Variants in NCKAP5 observed in about 807,000 individuals in gnomAD.
The protein encoded by NCKAP5 is NCK associated protein 5.
In NCKAP5, 92 loss-of-function variants were observed where a neutral mutation model predicts 167.0. That is an observed-to-expected ratio of 0.55 (90% CI 0.47 to 0.66). NCKAP5 has a LOEUF of 0.66. NCKAP5 is among the 30% of genes least tolerant of loss of function. The pLI is 0.00. For synonymous variants in NCKAP5, 891 were observed against 877.4 expected, an observed-to-expected ratio of 1.02 and a Z score of -0.27; for missense variants, 2,378 against 2,315.0, an observed-to-expected ratio of 1.03 and a Z score of -0.56.
intron 19 of NCKAP5, among the ~76,000 whole-genome samples, chr2:132,713,042 G>A (rs796331042): frequency 5.9e-5 from 9 of 152,216 alleles, no homozygotes; most frequent in African/African-American, 2.2e-4. Flanking sequence ...TATATTAAGT[G>A]GGAGAAAGCA....
At chr2:133,038,994 TG>T (rs1255411374) in intron 6 of NCKAP5, among the ~76,000 whole-genome samples, 4 of 152,070 alleles carry the variant, frequency 2.6e-5, no homozygotes, top group African/African-American at 9.7e-5. Flanking sequence ...CTGGGAAACC[TG>T]GGGAGGCTTA....
At chr2:133,638,538 T>G in the NCKAP5 span, among the ~76,000 whole-genome samples, 2 of 152,196 alleles carry the variant, frequency 1.3e-5, no homozygotes, top group Non-Finnish European at 2.9e-5. Context: ...GTCCAAATGT[T>G]AAACTTCTCT....
At chr2:133,276,482 A>G (rs1339095112) in intron 4 of NCKAP5, among the ~76,000 whole-genome samples, 2 of 152,116 alleles carry the variant, frequency 1.3e-5, no homozygotes, top group East Asian at 3.9e-4. Context: ...GAAAACATGG[A>G]CAAAATTGAA....
chr2:132,702,111 T>A (rs972797986), intron 19 of NCKAP5, among the ~76,000 whole-genome samples: 5 of 152,072 alleles, frequency 3.3e-5, no homozygotes, highest in Non-Finnish European at 7.4e-5. Flanking sequence ...GTCCTTCCAT[T>A]TTTGGGGAAT....
At chr2:132,882,685 T>C (rs901803600) in intron 8 of NCKAP5, among the ~76,000 whole-genome samples, 3 of 152,238 alleles carry the variant, frequency 2.0e-5, no homozygotes, top group Non-Finnish European at 4.4e-5. Flanking sequence ...TTTCTGATAG[T>C]ATTCAAATTT....
chr2:132,761,291 G>A (rs942563813), intron 16 of NCKAP5, among the ~76,000 whole-genome samples: 1 of 152,180 alleles, frequency 6.6e-6, no homozygotes, highest in African/African-American at 2.4e-5. Context: ...GTGGGGATTT[G>A]AGGAACGTTA....
chr2:133,649,917 T>C, the NCKAP5 span, among the ~76,000 whole-genome samples: 1 of 152,120 alleles, frequency 6.6e-6, no homozygotes, highest in Admixed American at 6.5e-5. Flanking sequence ...TAAAATGGTC[T>C]CTTTTTGCAG....
chr2:133,630,506 C>G, the NCKAP5 span, among the ~76,000 whole-genome samples: 2 of 151,828 alleles, frequency 1.3e-5, no homozygotes, highest in African/African-American at 4.8e-5. Flanking sequence ...GCTCAATACT[C>G]AGGTGAGAGG....
At chr2:133,061,898 C>A (rs1315067023) in intron 6 of NCKAP5, among the ~76,000 whole-genome samples, 3 of 152,154 alleles carry the variant, frequency 2.0e-5, no homozygotes, top group African/African-American at 7.2e-5. Context: ...CACTCCCCAA[C>A]CACTAGGTTT....
intron 7 of NCKAP5, among the ~76,000 whole-genome samples, chr2:132,969,981 G>A (rs1182283970): frequency 6.6e-6 from 1 of 152,156 alleles, no homozygotes; most frequent in African/African-American, 2.4e-5. Context: ...TTGAGAAAGA[G>A]AGAAAATGGA....
chr2:133,257,625 A>G lies in NCKAP5; in HGVS notation c.144-43846T>C, dbSNP rs190312831. 3.9e-5 allele frequency among the ~76,000 whole-genome samples: 6 copies of G among 152,352 alleles called. No homozygotes were observed. The East Asian group carries it at 1.2e-3, about 29-fold the overall frequency. On this transcript the variant is annotated intron_variant, in intron 4 of 19. Transcript: ENST00000409261. The stretch of plus-strand genomic sequence containing the variant: ...AATAGAAAATAATCAGGGAAAAAGA[A>G]AATCATTATTCCGTGTAATCTCACA...
chr2:132,679,739 T>C (rs1252854453), intron 19 of NCKAP5, among the ~76,000 whole-genome samples: 2 of 152,164 alleles, frequency 1.3e-5, no homozygotes, highest in African/African-American at 4.8e-5. Flanking sequence ...GAACATGTGA[T>C]TTACCCCATC....
the NCKAP5 span, among the ~76,000 whole-genome samples, chr2:133,581,892 G>C: frequency 6.7e-4 from 102 of 152,302 alleles, 2 homozygotes; most frequent in East Asian, 0.019. Flanking sequence ...TCTTTCAATA[G>C]TAGTAGGCAT....
chr2:132,786,042 A>G (rs1683538331), intron 13 of NCKAP5, among the ~76,000 whole-genome samples: 1 of 152,254 alleles, frequency 6.6e-6, no homozygotes, highest in Non-Finnish European at 1.5e-5. Context: ...AAATGTTGTA[A>G]GTACTCTGGA....
intron 11 of NCKAP5, among the ~76,000 whole-genome samples, chr2:132,842,330 G>T (rs931126241): frequency 6.6e-6 from 1 of 151,960 alleles, no homozygotes; most frequent in African/African-American, 2.4e-5. Flanking sequence ...TCAAATGAGA[G>T]ATTTGACTAT....
At chr2:132,824,159 T>C (rs1207692951) in intron 11 of NCKAP5, among the ~76,000 whole-genome samples, 1 of 151,022 alleles carries the variant, frequency 6.6e-6, no homozygotes, top group East Asian at 2.0e-4. Context: ...ACAGAAAGCC[T>C]CACTTAACAG....
At chr2:133,074,889 A>G (rs998896879) in intron 6 of NCKAP5, among the ~76,000 whole-genome samples, 6 of 152,190 alleles carry the variant, frequency 3.9e-5, no homozygotes, top group African/African-American at 1.4e-4. Flanking sequence ...AAGTCACAGA[A>G]AATGAAAAGA....
intron 8 of NCKAP5, among the ~76,000 whole-genome samples, chr2:132,907,875 T>C (rs556933630): frequency 4.5e-4 from 68 of 152,184 alleles, no homozygotes; most frequent in African/African-American, 1.6e-3. Context: ...GCCAGGATGG[T>C]CTCGATCTCC....
At chr2:133,376,182 A>C (rs191062315) in intron 3 of NCKAP5, among the ~76,000 whole-genome samples, 5 of 152,248 alleles carry the variant, frequency 3.3e-5, no homozygotes, top group Admixed American at 6.5e-5. Context: ...ATTCCAATAC[A>C]TGATGGCTGT....
Sources: gnomAD v4.1 joint callset for allele counts (sites outside exome capture counted in the v4.1 genomes callset) on GRCh38, gnomAD v4.1.1 for gene constraint, MANE v1.5 for transcripts, NCBI Gene and HGNC (gene_info 2026-07-23, HGNC 2026-07-21) for gene names.